Variants in RELN observed in about 807,000 individuals in gnomAD.
The protein encoded by RELN is reelin.
In RELN, 108 loss-of-function variants were observed where a neutral mutation model predicts 427.6. The ratio of observed to expected loss-of-function variants is 0.25; its 90% CI spans 0.22 to 0.30. The LOEUF is 0.30. Ranked by LOEUF, RELN falls within the 10% of genes least tolerant of loss-of-function variation. RELN has a pLI of 1.00. For synonymous variants in RELN, 1,524 were observed against 1,513.4 expected, an observed-to-expected ratio of 1.01 and a Z score of -0.16; for missense variants, 3,715 against 4,302.8, an observed-to-expected ratio of 0.86 and a Z score of 3.82.
At chr7:103,577,334 C>T (rs796113348) in intron 28 of RELN, among the ~76,000 whole-genome samples, 2 of 152,224 alleles carry the variant, frequency 1.3e-5, no homozygotes, top group African/African-American at 4.8e-5. Context: ...AAGTTACCTA[C>T]TCATGGCAAC....
Position 103,640,833 on chromosome 7 carries a change from T to C in RELN, c.2003-224A>G, listed in dbSNP as rs1177653516. ...CCTTTTAAGATTTTAACATTTCATA[T>C]CAAAGAAGATAGGAGCTTATGATTT... On this transcript the variant is annotated intron_variant, in intron 16 of 64. Transcript: ENST00000428762. This position sits in a 1 kb window ranked among gnomAD's most constrained non-coding sequence, Gnocchi z 4.1. 6.6e-6 allele frequency among the ~76,000 whole-genome samples: 1 copy of C among 152,158 alleles called. No individual in the cohort carries two copies.
chr7:103,921,592 T>C (rs1328672085), intron 1 of RELN, among the ~76,000 whole-genome samples: 1 of 152,210 alleles, frequency 6.6e-6, no homozygotes, highest in African/African-American at 2.4e-5. Context: ...TTATTATCTA[T>C]AATTAGAAAG....
intron 3 of RELN, among the ~76,000 whole-genome samples, chr7:103,794,103 T>C (rs936948518): frequency 3.3e-5 from 5 of 151,972 alleles, no homozygotes; most frequent in African/African-American, 1.2e-4. Flanking sequence ...TTGTAGGTAA[T>C]TTTTTTTAAT....
chr7:103,553,934 T>A, intron 38 of RELN, 103 bp from the exon 39 acceptor site: 1 of 951,412 alleles, frequency 1.1e-6, no homozygotes, highest in South Asian at 1.3e-5. Context: ...TCAGTAACAA[T>A]AGGTTAAACA....
chr7:103,736,025 C>A (rs1275432760), intron 6 of RELN, among the ~76,000 whole-genome samples: 2 of 152,152 alleles, frequency 1.3e-5, no homozygotes, highest in Admixed American at 6.5e-5. Flanking sequence ...TGTCTGCACC[C>A]CCAGGTACGG....
In RELN at chr7:103,940,169, T is replaced by G. The variant is rs547883985; in HGVS notation, c.227-22984A>C. Among the ~76,000 whole-genome samples, 334 of 152,324 alleles carry G rather than the reference T, an allele frequency of 2.2e-3. 2 individuals carry two copies. Among genetic ancestry groups the G allele is most frequent in the African/African-American group, 7.7e-3 (322 of 41,580 alleles). On this transcript the variant is annotated intron_variant, in intron 1 of 64. Transcript: ENST00000428762. Reference sequence around the variant, plus strand: ...ATTTGCCTCGGTAATTTACTGGGGTTGGAGGAAGGCTCATCTGGAAAGCAA... The same window carrying G: ...ATTTGCCTCGGTAATTTACTGGGGTGGGAGGAAGGCTCATCTGGAAAGCAA...
At chr7:103,804,301 T>C (rs764590369) in intron 3 of RELN, among the ~76,000 whole-genome samples, 6 of 152,120 alleles carry the variant, frequency 3.9e-5, no homozygotes, top group Non-Finnish European at 7.4e-5. Context: ...GCCAAAATAT[T>C]AATGAGGATA....
chr7:103,675,443 A>G (rs989343127), intron 11 of RELN, among the ~76,000 whole-genome samples: 11 of 152,172 alleles, frequency 7.2e-5, no homozygotes, highest in African/African-American at 2.4e-4. Context: ...AATCAATATC[A>G]TGAAAATGGT....
At chr7:103,568,329 C>T (rs1292061486) in intron 31 of RELN, among the ~76,000 whole-genome samples, 2 of 152,056 alleles carry the variant, frequency 1.3e-5, no homozygotes, top group African/African-American at 4.8e-5. Context: ...ACAAAAATGA[C>T]AAATATGCTA....
intron 17 of RELN, among the ~76,000 whole-genome samples, chr7:103,639,674 C>T (rs1315466017): frequency 6.6e-6 from 1 of 152,112 alleles, no homozygotes; most frequent in Non-Finnish European, 1.5e-5. Context: ...ACTGGAATTA[C>T]AGGCATGAGC....
intron 56 of RELN, 121 bp from the exon 57 acceptor site, chr7:103,496,019 T>C (rs1335077347): frequency 3.0e-6 from 3 of 996,866 alleles, no homozygotes; most frequent in African/African-American, 3.2e-5. Context: ...ATTTTTATGC[T>C]CTACTAGCTT....
chr7:103,901,069 A>G (rs558173494), intron 2 of RELN, among the ~76,000 whole-genome samples: 1 of 152,168 alleles, frequency 6.6e-6, no homozygotes, highest in Non-Finnish European at 1.5e-5. Context: ...AAAAAGACTG[A>G]TAGCCTAATT....
At chr7:103,616,395 G>C (rs1192627536) in intron 20 of RELN, among the ~76,000 whole-genome samples, 1 of 151,964 alleles carries the variant, frequency 6.6e-6, no homozygotes, top group Admixed American at 6.6e-5. Context: ...TACTAGATTA[G>C]GCGGAAAAAC....
intron 10 of RELN, among the ~76,000 whole-genome samples, chr7:103,694,219 G>T (rs1833931067): frequency 6.6e-6 from 1 of 152,104 alleles, no homozygotes; most frequent in African/African-American, 2.4e-5. Flanking sequence ...TTAACAGGTG[G>T]ATGTTGGGAA....
At chr7:103,707,539 G>A (rs1024450765) in intron 8 of RELN, among the ~76,000 whole-genome samples, 3 of 146,978 alleles carry the variant, frequency 2.0e-5, no homozygotes, top group East Asian at 2.0e-4. Flanking sequence ...TCGCTCTGTC[G>A]CCAGGCTGGA....
In RELN at chr7:103,753,173, A is replaced by G. The variant is rs750186579; in HGVS notation, c.577+9T>C. 3 of 1,613,854 alleles carry G rather than the reference A, an allele frequency of 1.9e-6. No individual in the cohort carries two copies. The highest frequency in any genetic ancestry group is 1.7e-5 in the Admixed American group (1 of 60,014). The stretch of plus-strand genomic sequence containing the variant: ...TAAAGTTAATGACATCAGAGTCTTA[A>G]ACACTTACCTAGATGTGGGTGCACA... On this transcript the variant is annotated intron_variant, in intron 5 of 64. Coordinates refer to ENST00000428762, the MANE Select transcript of RELN (RefSeq NM_005045.4).
In RELN at chr7:103,604,391, G is replaced by A. The variant is rs1831763184; in HGVS notation, c.3101C>T (p.Pro1034Leu). 1 of 1,613,912 alleles carries A rather than the reference G, an allele frequency of 6.2e-7. No homozygotes were observed. The highest frequency in any genetic ancestry group is 1.1e-5 in the South Asian group (1 of 91,074). ...TGAGCCATGCCCACTGCACATGTTG[G>A]GGCACTGCTGCCCAATGTAAATGCT... ...LDSIYIGQQC[P>L]NMCSGHGSCD... is the part of the protein sequence containing the mutation. Residue 1034 changes from proline (P) to leucine (L), a missense_variant, in exon 23 of 65, where the codon CCC becomes CTC. Around this residue, in one of 4 missense-constraint regions of RELN, gnomAD observed 2,208 missense variants for 2,361.7 expected, o/e 0.93. Coordinates refer to ENST00000428762, the MANE Select transcript of RELN (RefSeq NM_005045.4).
At chr7:103,664,909 T>A (rs1362175261) in intron 11 of RELN, among the ~76,000 whole-genome samples, 1 of 152,140 alleles carries the variant, frequency 6.6e-6, no homozygotes, top group Non-Finnish European at 1.5e-5. Context: ...TTTTTTCACT[T>A]TGTTTATGTG....
At chr7:103,851,356 G>A (rs1793817506) in intron 2 of RELN, among the ~76,000 whole-genome samples, 3 of 152,012 alleles carry the variant, frequency 2.0e-5, no homozygotes. Flanking sequence ...AGGAGGTAAG[G>A]GATAAAACAC....
Sources: gnomAD v4.1 joint callset for allele counts (sites outside exome capture counted in the v4.1 genomes callset) on GRCh38, gnomAD v4.1.1 for gene constraint, gnomAD v4.1.1 regional missense constraint, Gnocchi (gnomAD v3.1) non-coding constraint, MANE v1.5 for transcripts, NCBI Gene and HGNC (gene_info 2026-07-23, HGNC 2026-07-21) for gene names.